Variants in MED13L observed in about 807,000 individuals in gnomAD.
The protein encoded by MED13L is mediator complex subunit 13L, also known as mediator of RNA polymerase II transcription subunit 13-like.
In MED13L, 7 loss-of-function variants were observed where a neutral mutation model predicts 220.9. That is an observed-to-expected ratio of 0.03 (90% CI 0.02 to 0.06). MED13L has a LOEUF of 0.06. MED13L is among the 10% of genes least tolerant of loss of function. The pLI, the probability that MED13L is intolerant of heterozygous loss-of-function variation, is 1.00. For missense variants in MED13L, 1,965 were observed against 2,760.5 expected (o/e 0.71, Z 6.46); for synonymous variants, 1,011 against 1,015.2 (o/e 1.00, Z 0.08).
At chr12:116,209,604 C>G (rs1003310429) in intron 2 of MED13L, among the ~76,000 whole-genome samples, 2 of 152,092 alleles carry the variant, frequency 1.3e-5, no homozygotes, top group African/African-American at 4.8e-5. Context: ...ACCCATCTGT[C>G]CTCTTCTATG....
At chr12:116,249,141 C>T (rs1451976560) in intron 1 of MED13L, among the ~76,000 whole-genome samples, 3 of 152,198 alleles carry the variant, frequency 2.0e-5, no homozygotes, top group Admixed American at 2.0e-4. Context: ...GGAGCTATCA[C>T]TCCAAGAGTT....
In MED13L at chr12:116,277,559, G is replaced by A. The variant is rs961612941; in HGVS notation, c.-428C>T. On this transcript the variant is annotated 5_prime_UTR_variant, in exon 1 of 31. Transcript: ENST00000281928. ...CGGAGCGCGAACTCGCGAAGGGGGG[G>A]GTGCGGACGAAGCCAGCGGGCGACC... 6.7e-6 allele frequency among the ~76,000 whole-genome samples: 1 copy of A among 149,474 alleles called. No homozygotes were observed. Among genetic ancestry groups the A allele is most frequent in the African/African-American group, 2.4e-5 (1 of 41,142 alleles).
chr12:116,276,979 G>A, intron 1 of MED13L, 81 bp downstream of exon 1: 4 of 1,441,056 alleles, frequency 2.8e-6, no homozygotes, highest in Non-Finnish European at 3.8e-6. Flanking sequence ...GGCGGCGGGA[G>A]GAGAAAGTTG....
At chr12:116,019,447 T>A in intron 6 of MED13L, 35 bp from the exon 7 acceptor site, 2 of 1,605,336 alleles carry the variant, frequency 1.2e-6, no homozygotes, top group Non-Finnish European at 1.7e-6. Context: ...GAATCAGGAC[T>A]GAGAAAGAAT....
intron 14 of MED13L, among the ~76,000 whole-genome samples, chr12:116,001,266 G>A (rs374448488): frequency 6.6e-5 from 10 of 152,000 alleles, no homozygotes; most frequent in African/African-American, 1.4e-4. Context: ...GTGCTATCTC[G>A]GCTCACTGCA....
chr12:115,961,286 C>T lies in MED13L; in HGVS notation c.6613G>A (p.Ala2205Thr). 6.2e-7 allele frequency: 1 copy of T among 1,614,144 alleles called. No individual in the cohort carries two copies. Among genetic ancestry groups the T allele is most frequent in the Non-Finnish European group, 8.5e-7 (1 of 1,180,022 alleles). Residue 2205 changes from alanine (A) to threonine (T), a missense_variant, in exon 31 of 31, where the codon GCC becomes ACC. This residue lies in a region of MED13L where 145 missense variants were observed against 328.3 expected (regional missense o/e 0.44). Coordinates refer to ENST00000281928, the MANE Select transcript of MED13L (RefSeq NM_015335.5). ...TCCAATTAAAGTATATTCATGATGG[C>T]ATTGTACAACTGAGTGAGCACCACA... ...HFVVLTQLYNAIMNIL is the reference protein window; with the variant it reads ...HFVVLTQLYNTIMNIL
chr12:116,192,403 T>C (rs1379333902), intron 2 of MED13L, among the ~76,000 whole-genome samples: 2 of 152,194 alleles, frequency 1.3e-5, no homozygotes, highest in African/African-American at 4.8e-5. Flanking sequence ...TAAATATGAA[T>C]ATAAATGCAA....
intron 2 of MED13L, among the ~76,000 whole-genome samples, chr12:116,203,208 T>C (rs1882111180): frequency 6.6e-6 from 1 of 152,192 alleles, no homozygotes; most frequent in African/African-American, 2.4e-5. Context: ...GTTAACAGTT[T>C]TCTATATGAG....
chr12:116,007,851 G>A, intron 10 of MED13L: 1 of 556,808 alleles, frequency 1.8e-6, no homozygotes, highest in Non-Finnish European at 3.2e-6. Flanking sequence ...CAGGTTCTCA[G>A]GACAGACTGC....
intron 2 of MED13L, among the ~76,000 whole-genome samples, chr12:116,190,355 G>C (rs1881192738): frequency 1.3e-5 from 2 of 152,112 alleles, no homozygotes; most frequent in South Asian, 4.1e-4. Context: ...TTTGATGTTT[G>C]AACATGACCT....
chr12:116,035,542 A>G (rs1235793480), intron 4 of MED13L, among the ~76,000 whole-genome samples: 1 of 152,072 alleles, frequency 6.6e-6, no homozygotes, highest in Non-Finnish European at 1.5e-5. Context: ...CTAAAATTCT[A>G]TATTCTCAAG....
At chr12:116,272,316 A>G (rs1873438655) in intron 1 of MED13L, among the ~76,000 whole-genome samples, 1 of 152,100 alleles carries the variant, frequency 6.6e-6, no homozygotes, top group Non-Finnish European at 1.5e-5. Context: ...TAATCCCAGC[A>G]CTTTGGGAGG....
intron 4 of MED13L, among the ~76,000 whole-genome samples, chr12:116,051,963 T>G (rs1374080148): frequency 1.3e-5 from 2 of 152,162 alleles, no homozygotes; most frequent in East Asian, 3.9e-4. Flanking sequence ...AAGAAAACAC[T>G]TGCCAAAAAG....
chr12:116,030,988 A>T lies in MED13L; in HGVS notation c.480-8387T>A, dbSNP rs924636350. On this transcript the variant is annotated intron_variant, in intron 4 of 30. Coordinates refer to ENST00000281928, the MANE Select transcript of MED13L (RefSeq NM_015335.5). ...TCAGCAAATCTATGAAACTAATACA[A>T]TGCATTAACAGATGAATGAGAAAAA... Among the ~76,000 whole-genome samples, 3 of 152,194 alleles carry T rather than the reference A, an allele frequency of 2.0e-5. No individual in the cohort carries two copies. In the East Asian group the frequency reaches 5.8e-4, roughly 29 times the overall value.
intron 2 of MED13L, among the ~76,000 whole-genome samples, chr12:116,144,959 C>A (rs1353099497): frequency 3.9e-5 from 6 of 152,204 alleles, no homozygotes; most frequent in Non-Finnish European, 8.8e-5. Flanking sequence ...TCCCATACCA[C>A]TTATAAGGTA....
intron 4 of MED13L, among the ~76,000 whole-genome samples, chr12:116,077,705 G>A (rs1870912267): frequency 6.6e-6 from 1 of 152,284 alleles, no homozygotes; most frequent in Non-Finnish European, 1.5e-5. Context: ...CCAGGCAGTG[G>A]ATATAGAAGA....
chr12:116,185,349 CTT>C (rs935155943), intron 2 of MED13L, among the ~76,000 whole-genome samples: 3 of 137,812 alleles, frequency 2.2e-5, no homozygotes, highest in Admixed American at 7.2e-5. Context: ...CAAGTTCATT[CTT>C]TTTTTTTTTT....
intron 14 of MED13L, among the ~76,000 whole-genome samples, chr12:116,001,499 A>C (rs1273866272): frequency 6.6e-6 from 1 of 152,146 alleles, no homozygotes; most frequent in Non-Finnish European, 1.5e-5. Flanking sequence ...TTTATAATAC[A>C]TTTGTCTTCC....
chr12:116,105,597 G>A lies in MED13L; in HGVS notation c.395+5831C>T, dbSNP rs2137867608. ...CCAGAAGAAGCCAATAAGACTCAAA[G>A]TTTTAAAAACCAGGTATAAATATAG... On this transcript the variant is annotated intron_variant, in intron 3 of 30. Transcript: ENST00000281928. Among the ~76,000 whole-genome samples the A allele has an allele frequency of 2.6e-5, 4 of 152,164 alleles. No homozygotes were observed. The Middle Eastern group carries it at 0.01, about 388-fold the overall frequency.
Sources: gnomAD v4.1 joint callset for allele counts (sites outside exome capture counted in the v4.1 genomes callset) on GRCh38, gnomAD v4.1.1 for gene constraint, gnomAD v4.1.1 regional missense constraint, MANE v1.5 for transcripts, NCBI Gene and HGNC (gene_info 2026-07-23, HGNC 2026-07-21) for gene names.